Variants in CNTNAP2 observed in about 807,000 individuals in gnomAD.
The protein encoded by CNTNAP2 is contactin-associated protein-like 2.
Under a neutral mutation model 155.2 loss-of-function variants are expected in CNTNAP2, and 98 were observed. The ratio of observed to expected loss-of-function variants is 0.63; its 90% CI spans 0.54 to 0.75. The LOEUF is 0.75. Among genes scored for constraint, CNTNAP2 ranks in the 30% least tolerant of loss-of-function variants. The pLI is 0.00. For missense variants in CNTNAP2, 1,727 were observed against 1,688.1 expected (o/e 1.02, Z -0.40); for synonymous variants, 651 against 631.2 (o/e 1.03, Z -0.47).
At chr7:148,069,676 C>T (rs554437831) in intron 15 of CNTNAP2, among the ~76,000 whole-genome samples, 12 of 150,358 alleles carry the variant, frequency 8.0e-5, no homozygotes, top group Admixed American at 1.3e-4. Context: ...AGGAGAATGG[C>T]GTGAACCTGG....
chr7:146,312,220 T>A (rs891717767), intron 1 of CNTNAP2, among the ~76,000 whole-genome samples: 4 of 152,172 alleles, frequency 2.6e-5, no homozygotes, highest in Non-Finnish European at 4.4e-5. Flanking sequence ...CTAACATCAA[T>A]TTACTGCTAA....
At chr7:148,390,905 T>A (rs1799332408) in intron 22 of CNTNAP2, among the ~76,000 whole-genome samples, 1 of 152,200 alleles carries the variant, frequency 6.6e-6, no homozygotes, top group Admixed American at 6.5e-5. Context: ...CTATAACAGA[T>A]GTCATTTGTA....
At chr7:147,695,764 T>C (rs1363484016) in intron 13 of CNTNAP2, among the ~76,000 whole-genome samples, 3 of 152,080 alleles carry the variant, frequency 2.0e-5, no homozygotes, top group Non-Finnish European at 4.4e-5. Context: ...ATTGTGCCAC[T>C]GCACTCCAGC....
At chr7:147,012,972 G>A (rs1798654825) in intron 3 of CNTNAP2, among the ~76,000 whole-genome samples, 1 of 151,976 alleles carries the variant, frequency 6.6e-6, no homozygotes, top group African/African-American at 2.4e-5. Flanking sequence ...TCTTATAGAT[G>A]ATAAAAATCA....
intron 13 of CNTNAP2, among the ~76,000 whole-genome samples, chr7:147,711,906 G>T (rs997609275): frequency 2.0e-5 from 3 of 152,024 alleles, no homozygotes; most frequent in Non-Finnish European, 4.4e-5. Flanking sequence ...CTTTTTTATG[G>T]TAACTCTCCA....
At chr7:147,644,149 A>T (rs986574862) in intron 13 of CNTNAP2, among the ~76,000 whole-genome samples, 1 of 152,232 alleles carries the variant, frequency 6.6e-6, no homozygotes. Flanking sequence ...GAGGCATACC[A>T]ATTTGGGAAT....
Position 146,382,645 on chromosome 7 carries a change from C to T in CNTNAP2, c.97+265672C>T, listed in dbSNP as rs1282253883. ...TTTAAAAATTTTGACACCAACCTGA[C>T]CATGGAGATGCATAGAATTCTGTAA... On this transcript the variant is annotated intron_variant, in intron 1 of 23. Coordinates refer to ENST00000361727, the MANE Select transcript of CNTNAP2 (RefSeq NM_014141.6). Among the ~76,000 whole-genome samples the T allele has an allele frequency of 3.3e-5, 5 of 152,060 alleles. 1 individual carries two copies.
At chr7:148,000,117 A>G (rs183256660) in intron 15 of CNTNAP2, among the ~76,000 whole-genome samples, 5 of 152,318 alleles carry the variant, frequency 3.3e-5, no homozygotes, top group Admixed American at 6.5e-5. Context: ...TTAAAGGACC[A>G]TTAGCAGTTG....
At chr7:147,782,861 T>C (rs546332770) in intron 13 of CNTNAP2, among the ~76,000 whole-genome samples, 57 of 152,368 alleles carry the variant, frequency 3.7e-4, no homozygotes, top group African/African-American at 1.4e-3. Flanking sequence ...GCTAATCATC[T>C]GTGATTGTCA....
intron 3 of CNTNAP2, among the ~76,000 whole-genome samples, chr7:146,964,589 C>T (rs923605370): frequency 3.9e-5 from 6 of 152,172 alleles, no homozygotes; most frequent in Non-Finnish European, 7.4e-5. Flanking sequence ...TGGAACTGGA[C>T]TCAGAGGAAC....
intron 13 of CNTNAP2, among the ~76,000 whole-genome samples, chr7:147,730,757 T>C (rs189492263): frequency 6.6e-6 from 1 of 152,174 alleles, no homozygotes; most frequent in African/African-American, 2.4e-5. Flanking sequence ...AGAAGGCATG[T>C]CAAAAGCAAA....
chr7:146,149,510 G>A (rs921258469), intron 1 of CNTNAP2, among the ~76,000 whole-genome samples: 1 of 152,002 alleles, frequency 6.6e-6, no homozygotes, highest in African/African-American at 2.4e-5. Flanking sequence ...CACAGTGTTA[G>A]GCTTACTTTT....
chr7:148,126,321 G>A (rs1252580323), intron 16 of CNTNAP2, among the ~76,000 whole-genome samples: 1 of 152,196 alleles, frequency 6.6e-6, no homozygotes, highest in African/African-American at 2.4e-5. Flanking sequence ...GCATGTGGTA[G>A]GAACTAAATA....
At chr7:146,320,364 G>T (rs561442723) in intron 1 of CNTNAP2, among the ~76,000 whole-genome samples, 85 of 152,218 alleles carry the variant, frequency 5.6e-4, no homozygotes, top group African/African-American at 1.7e-3. Context: ...ATGCTTATAG[G>T]ATAAGGGGTA....
chr7:148,103,599 T>C (rs1804148481), intron 15 of CNTNAP2, among the ~76,000 whole-genome samples: 1 of 152,018 alleles, frequency 6.6e-6, no homozygotes, highest in Admixed American at 6.6e-5. Context: ...CTCAGGATGA[T>C]TACGAGCAAA....
intron 1 of CNTNAP2, among the ~76,000 whole-genome samples, chr7:146,194,382 ATG>A (rs1798747776): frequency 6.6e-6 from 1 of 152,212 alleles, no homozygotes; most frequent in South Asian, 2.1e-4. Context: ...AAGCAAAGTC[ATG>A]TCTTACATGG....
chr7:146,451,861 A>ACATACGTGTATGTATG (rs1362604406), intron 1 of CNTNAP2, among the ~76,000 whole-genome samples: 1,494 of 62,594 alleles, frequency 0.024, 30 homozygotes, highest in Middle Eastern at 0.048. Context: ...TATTCTATAT[A>ACATACGTGTATGTATG]TATATATACG....
At chr7:147,368,579 G>A (rs1297428499) in intron 9 of CNTNAP2, among the ~76,000 whole-genome samples, 1 of 152,180 alleles carries the variant, frequency 6.6e-6, no homozygotes, top group Non-Finnish European at 1.5e-5. Context: ...CCCACGGCCC[G>A]GTCAGAGCTG....
At chr7:146,405,516 A>G (rs1347981193) in intron 1 of CNTNAP2, among the ~76,000 whole-genome samples, 3 of 152,218 alleles carry the variant, frequency 2.0e-5, no homozygotes, top group African/African-American at 4.8e-5. Context: ...GAGATATATA[A>G]GGGCCATTGA....
Sources: allele counts gnomAD v4.1 joint callset (sites outside exome capture counted in the v4.1 genomes callset), GRCh38; gene constraint gnomAD v4.1.1; transcripts MANE v1.5; gene names NCBI Gene and HGNC (gene_info 2026-07-23, HGNC 2026-07-21).